ANK2: variants seen among roughly 807,000 people sequenced by gnomAD.
ANK2 encodes ankyrin-2.
Under a neutral mutation model 360.5 loss-of-function variants are expected in ANK2, and 83 were observed. That is an observed-to-expected ratio of 0.23 (90% CI 0.19 to 0.28). ANK2 has a LOEUF of 0.28. ANK2 is among the 10% of genes least tolerant of loss of function. The pLI is 1.00. For synonymous variants in ANK2, 1,740 were observed against 1,759.5 expected, an observed-to-expected ratio of 0.99 and a Z score of 0.28; for missense variants, 4,201 against 4,795.7, an observed-to-expected ratio of 0.88 and a Z score of 3.66.
intron 1 of ANK2, among the ~76,000 whole-genome samples, chr4:113,144,175 C>T (rs1312526004): frequency 1.3e-5 from 2 of 152,100 alleles, no homozygotes; most frequent in Non-Finnish European, 2.9e-5. Context: ...AAAGTAATTT[C>T]ACTGAATACT....
intron 1 of ANK2, among the ~76,000 whole-genome samples, chr4:113,130,504 C>A (rs951870041): frequency 2.6e-5 from 4 of 152,102 alleles, no homozygotes; most frequent in Non-Finnish European, 5.9e-5. Context: ...CATGATAGTA[C>A]CTGTATTAAT....
chr4:112,754,446 A>G, the ANK2 span, among the ~76,000 whole-genome samples: 1 of 151,286 alleles, frequency 6.6e-6, no homozygotes, highest in Non-Finnish European at 1.5e-5. Context: ...AGAGGTAGCA[A>G]ACTGTTAGCT....
At chr4:113,001,899 G>C (rs1257930746) in intron 2 of ANK2, among the ~76,000 whole-genome samples, 4 of 152,124 alleles carry the variant, frequency 2.6e-5, no homozygotes, top group Non-Finnish European at 5.9e-5. Flanking sequence ...GTCCTGACTA[G>C]GCACATGCTC....
chr4:113,069,462 G>A (rs1057071784), intron 1 of ANK2, among the ~76,000 whole-genome samples: 6 of 152,156 alleles, frequency 3.9e-5, no homozygotes, highest in Non-Finnish European at 7.4e-5. Flanking sequence ...AGGAAAGCAC[G>A]GGCTAATCCA....
chr4:112,957,412 T>C (rs10004145), intron 2 of ANK2, among the ~76,000 whole-genome samples: 87,175 of 152,084 alleles, frequency 0.57, 26,648 homozygotes, highest in East Asian at 0.87. Context: ...CCATGTCTAC[T>C]TCTTTCTACA....
intron 2 of ANK2, among the ~76,000 whole-genome samples, chr4:113,002,681 G>T (rs962638297): frequency 6.6e-6 from 1 of 152,020 alleles, no homozygotes; most frequent in African/African-American, 2.4e-5. Flanking sequence ...TAATTTCCAG[G>T]CTAGCCCTTT....
At chr4:112,752,364 A>G in the ANK2 span, among the ~76,000 whole-genome samples, 2 of 152,180 alleles carry the variant, frequency 1.3e-5, no homozygotes, top group Non-Finnish European at 2.9e-5. Flanking sequence ...GTTAAGCAGC[A>G]AGTGCCTCTG....
rs554979903 is a variant in ANK2 at position 113,020,843 on chromosome 4, T to C, written c.21+116329T>C. 2.3e-4 allele frequency among the ~76,000 whole-genome samples: 24 copies of C among 106,016 alleles called. No homozygotes were observed. In the East Asian group the frequency reaches 6.2e-3, roughly 27 times the overall value. 69.6% of individuals were successfully genotyped at this position (106,016 alleles called of 152,430 possible). A position where few individuals can be genotyped will look rare whatever the true frequency, so the allele number is the denominator to read the frequency against. On this transcript the variant is annotated intron_variant, in intron 2 of 30. Coordinates refer to the ANK2 transcript ENST00000503271. ...TCTGTCTCAAAAAAAGAAAAAAATC[T>C]ACCAAAACAAGAAAAGAGCTTAATG... is the stretch of plus-strand genomic sequence containing the variant.
chr4:112,754,641 G>A, the ANK2 span, among the ~76,000 whole-genome samples: 197 of 152,100 alleles, frequency 1.3e-3, 1 homozygote, highest in African/African-American at 4.4e-3. Context: ...TTTCCCTCAG[G>A]CAGCCATTGG....
chr4:113,381,571 CCTCCAGCGCGAT>C lies in ANK2; in HGVS notation c.*108_*119del, dbSNP rs1180496153. On this transcript the variant is annotated 3_prime_UTR_variant, in exon 46 of 46. Transcript: ENST00000357077. ...TACCAGAAGCACTAGACCAGGACGA[CCTCCAGCGCGAT>C]CTCCAGCAGCTCCTTCGGCATTTCT... The C allele has an allele frequency of 1.1e-5, 17 of 1,606,532 alleles. No homozygotes were observed. In the Admixed American group the frequency reaches 2.0e-4, roughly 19 times the overall value.
At chr4:113,000,397 C>A (rs2050184320) in intron 2 of ANK2, among the ~76,000 whole-genome samples, 1 of 152,190 alleles carries the variant, frequency 6.6e-6, no homozygotes, top group Non-Finnish European at 1.5e-5. Context: ...GCAGAGAACT[C>A]TTCCTGCATC....
chr4:112,944,357 A>G (rs1477711755), intron 2 of ANK2, among the ~76,000 whole-genome samples: 1 of 152,204 alleles, frequency 6.6e-6, no homozygotes, highest in Admixed American at 6.5e-5. Flanking sequence ...AGAACTGCCT[A>G]ACACAATATT....
chr4:112,942,354 A>G (rs1267763600), intron 2 of ANK2, among the ~76,000 whole-genome samples: 1 of 152,016 alleles, frequency 6.6e-6, no homozygotes, highest in Non-Finnish European at 1.5e-5. Context: ...TCAGTGCTCA[A>G]TATTTGTCGA....
chr4:113,118,799 A>T (rs2095102155), intron 1 of ANK2, among the ~76,000 whole-genome samples: 1 of 152,176 alleles, frequency 6.6e-6, no homozygotes, highest in African/African-American at 2.4e-5. Context: ...TTATTGTATA[A>T]AGAATTTTCT....
intron 21 of ANK2, chr4:113,293,132 C>A (rs914320707): frequency 2.2e-6 from 1 of 449,504 alleles, no homozygotes; most frequent in Non-Finnish European, 4.2e-6. Context: ...CGTCATGAGG[C>A]ACTTTCTTAA....
At chr4:113,292,584 C>T in intron 21 of ANK2, 70 bp downstream of exon 21, 1 of 1,436,510 alleles carries the variant, frequency 7.0e-7, no homozygotes, top group Non-Finnish European at 9.6e-7. Flanking sequence ...GGCTTCTTGT[C>T]TGAGCTGAGT....
At position 113,336,037 on chromosome 4, in the gene ANK2, CG is replaced by C; in HGVS notation, c.3573del (p.Ile1192SerfsTer3). The C allele has an allele frequency of 1.2e-6, 2 of 1,613,974 alleles. No homozygotes were observed. Among genetic ancestry groups the C allele is most frequent in the Non-Finnish European group, 1.7e-6 (2 of 1,179,974 alleles). ...CTTCCCAGAGGGGGCACTCACCAAG[CG>C]GATCCGCGTAGGCCTGCAGGTATGC... ...AVFPEGALTK[R>X]IRVGLQAQPM... On this transcript the variant is annotated frameshift_variant, in exon 30 of 46. Coordinates refer to ENST00000357077, the MANE Select transcript of ANK2 (RefSeq NM_001148.6). LOFTEE classifies it high-confidence loss of function.
chr4:112,783,981 A>G, the ANK2 span, among the ~76,000 whole-genome samples: 1 of 152,074 alleles, frequency 6.6e-6, no homozygotes, highest in Non-Finnish European at 1.5e-5. Context: ...GTATTGTGGT[A>G]TACTCATACT....
upstream of ANK2, among the ~76,000 whole-genome samples, chr4:112,816,573 G>A (rs1165720722): frequency 6.6e-6 from 1 of 151,754 alleles, no homozygotes; most frequent in Non-Finnish European, 1.5e-5. Flanking sequence ...TAACATATAA[G>A]AAAATGGCAC....
Sources: gnomAD v4.1 joint callset for allele counts (sites outside exome capture counted in the v4.1 genomes callset) on GRCh38, gnomAD v4.1.1 for gene constraint, MANE v1.5 for transcripts, NCBI Gene and HGNC (gene_info 2026-07-23, HGNC 2026-07-21) for gene names.